Variants in INSC observed in about 807,000 individuals in gnomAD.
INSC encodes the protein INSC spindle orientation adaptor protein, also known as protein inscuteable homolog.
In INSC, 67 loss-of-function variants were observed where a neutral mutation model predicts 58.6. The ratio of observed to expected loss-of-function variants is 1.14; its 90% CI spans 0.94 to 1.40. The LOEUF is 1.40. Ranked by LOEUF, INSC falls within the 40% of genes most tolerant of loss-of-function variation. The probability of loss-of-function intolerance (pLI) is 0.00; values close to 1 mark genes in which losing one functional copy is unlikely to be tolerated. For missense variants in INSC, 714 were observed against 692.0 expected (o/e 1.03, Z -0.36); for synonymous variants, 262 against 276.1 (o/e 0.95, Z 0.51).
chr11:15,233,147 C>T (rs1435075628), intron 9 of INSC, among the ~76,000 whole-genome samples: 3 of 152,210 alleles, frequency 2.0e-5, no homozygotes, highest in Admixed American at 6.5e-5. Context: ...TCACATTATA[C>T]TGACCTCTCA....
At chr11:15,269,343 T>C in the INSC span, among the ~76,000 whole-genome samples, 1 of 152,008 alleles carries the variant, frequency 6.6e-6, no homozygotes, top group Non-Finnish European at 1.5e-5. Flanking sequence ...CCAAGACTCT[T>C]TTTGAGATAC....
chr11:15,175,203 A>G (rs1849530472), intron 2 of INSC, among the ~76,000 whole-genome samples: 2 of 152,198 alleles, frequency 1.3e-5, no homozygotes, highest in Admixed American at 1.3e-4. Context: ...GCTTTCTAAC[A>G]TTATTGTAAT....
chr11:15,197,373 A>G (rs1443236666), intron 6 of INSC, among the ~76,000 whole-genome samples: 1 of 152,100 alleles, frequency 6.6e-6, no homozygotes, highest in Non-Finnish European at 1.5e-5. Context: ...TCTCTCTGGG[A>G]GAAGATGGGA....
chr11:15,173,554 G>C (rs766936314), intron 2 of INSC, among the ~76,000 whole-genome samples: 5 of 151,742 alleles, frequency 3.3e-5, no homozygotes, highest in Non-Finnish European at 5.9e-5. Context: ...TGGGCAGTAG[G>C]GTGCTGTGAT....
chr11:15,242,135 TAACATGTAATGATTGGCCCC>T (rs1270763331), intron 12 of INSC, among the ~76,000 whole-genome samples: 2 of 152,210 alleles, frequency 1.3e-5, no homozygotes, highest in African/African-American at 4.8e-5. Context: ...GAGAGGAAAT[TAACATGTAATGATTGGCCCC>T]AACTACCACT....
chr11:15,205,889 G>A (rs1223195082), intron 7 of INSC, among the ~76,000 whole-genome samples: 1 of 152,142 alleles, frequency 6.6e-6, no homozygotes, highest in African/African-American at 2.4e-5. Flanking sequence ...GTGTTGGCCT[G>A]GGCAAGGGAC....
At chr11:15,186,800 A>G (rs982674091) in intron 5 of INSC, among the ~76,000 whole-genome samples, 1 of 152,140 alleles carries the variant, frequency 6.6e-6, no homozygotes, top group Non-Finnish European at 1.5e-5. Flanking sequence ...TGGTTTATCC[A>G]GTAATCTTTC....
the INSC span, among the ~76,000 whole-genome samples, chr11:15,259,981 GA>G: frequency 6.6e-6 from 1 of 152,156 alleles, no homozygotes; most frequent in Admixed American, 6.6e-5. Context: ...GAGAGAATCT[GA>G]AGGTGAAAAT....
At chr11:15,259,046 G>A in the INSC span, among the ~76,000 whole-genome samples, 1 of 152,228 alleles carries the variant, frequency 6.6e-6, no homozygotes, top group East Asian at 1.9e-4. Context: ...TCAGCTCCTG[G>A]TCCACTGGGC....
chr11:15,260,509 T>C, the INSC span, among the ~76,000 whole-genome samples: 6 of 152,190 alleles, frequency 3.9e-5, no homozygotes, highest in East Asian at 1.2e-3. Context: ...CTCTGTACTT[T>C]ATCTATGAAA....
chr11:15,180,465 C>A (rs189265720), intron 5 of INSC, among the ~76,000 whole-genome samples: 68 of 152,118 alleles, frequency 4.5e-4, no homozygotes, highest in African/African-American at 1.6e-3. Flanking sequence ...ACTTCCCTGG[C>A]CTTTGGGCTG....
intron 5 of INSC, among the ~76,000 whole-genome samples, chr11:15,183,146 G>A (rs1849838057): frequency 6.6e-6 from 1 of 151,936 alleles, no homozygotes; most frequent in African/African-American, 2.4e-5. Context: ...TTGGGAGCTC[G>A]AGACCAGCCT....
chr11:15,167,808 G>T (rs893715844), intron 2 of INSC, among the ~76,000 whole-genome samples: 1 of 152,114 alleles, frequency 6.6e-6, no homozygotes, highest in Non-Finnish European at 1.5e-5. Flanking sequence ...AAGTAAACCA[G>T]ATTCTGCTTT....
At chr11:15,151,642 C>T (rs191003578) in intron 2 of INSC, among the ~76,000 whole-genome samples, 3 of 152,234 alleles carry the variant, frequency 2.0e-5, no homozygotes, top group East Asian at 3.9e-4. Flanking sequence ...GGTGGTGGTG[C>T]TGCTGGAACA....
At chr11:15,240,303 T>A in intron 11 of INSC, 144 bp from the exon 12 acceptor site, 1 of 668,648 alleles carries the variant, frequency 1.5e-6, no homozygotes, top group Non-Finnish European at 2.7e-6. Context: ...ACTGAGGGAG[T>A]AGTAAGTTTC....
At chr11:15,173,181 C>T (rs1172278618) in intron 2 of INSC, among the ~76,000 whole-genome samples, 1 of 152,112 alleles carries the variant, frequency 6.6e-6, no homozygotes, top group Non-Finnish European at 1.5e-5. Context: ...AGTGTTCAAA[C>T]ATTGGAAAGA....
the INSC span, among the ~76,000 whole-genome samples, chr11:15,254,800 G>A: frequency 1.4e-3 from 215 of 152,286 alleles, no homozygotes; most frequent in Non-Finnish European, 2.4e-3. Flanking sequence ...CTATTAATCT[G>A]TAAGGGATGC....
At chr11:15,114,727 C>T (rs1164771670), upstream of INSC, among the ~76,000 whole-genome samples, 3 of 152,196 alleles carry the variant, frequency 2.0e-5, no homozygotes, top group African/African-American at 4.8e-5. Context: ...CCAGGGGCAC[C>T]GAAATAGCCT....
chr11:15,253,011 A>G, the INSC span, among the ~76,000 whole-genome samples: 1 of 151,674 alleles, frequency 6.6e-6, no homozygotes, highest in Non-Finnish European at 1.5e-5. Flanking sequence ...TTTTCCCTCT[A>G]CTCCCCTCCA....
Sources: gnomAD v4.1 joint callset for allele counts (sites outside exome capture counted in the v4.1 genomes callset) on GRCh38, gnomAD v4.1.1 for gene constraint, MANE v1.5 for transcripts, NCBI Gene and HGNC (gene_info 2026-07-23, HGNC 2026-07-21) for gene names.